MTA3: variants seen among roughly 807,000 people sequenced by gnomAD.
MTA3 encodes metastasis-associated protein MTA3.
Under a neutral mutation model 83.5 loss-of-function variants are expected in MTA3, and 34 were observed. The ratio of observed to expected loss-of-function variants is 0.41; its 90% confidence interval spans 0.31 to 0.54. MTA3 has a LOEUF of 0.54. Ranked by LOEUF, MTA3 falls within the 20% of genes least tolerant of loss-of-function variation. MTA3 has a pLI of 0.33. For synonymous variants in MTA3, 303 were observed against 252.7 expected, an observed-to-expected ratio of 1.20 and a Z score of -1.89; for missense variants, 761 against 726.4, an observed-to-expected ratio of 1.05 and a Z score of -0.55.
At chr2:42,565,008 C>T (rs1041123982), upstream of MTA3, among the ~76,000 whole-genome samples, 1 of 152,124 alleles carries the variant, frequency 6.6e-6, no homozygotes, top group African/African-American at 2.4e-5. Context: ...GAACTCCTGA[C>T]CTCATGATCC....
At chr2:42,601,115 C>T (rs1445193984) in intron 3 of MTA3, among the ~76,000 whole-genome samples, 2 of 152,190 alleles carry the variant, frequency 1.3e-5, no homozygotes, top group Non-Finnish European at 2.9e-5. Context: ...CCATGTTGTC[C>T]AGGATGGTCT....
Position 42,520,656 on chromosome 2 carries a change from G to A in MTA3, c.-141+25402G>A, listed in dbSNP as rs536636388. On this transcript the variant is annotated intron_variant, in intron 2 of 17. Coordinates refer to the MTA3 transcript ENST00000405592. The stretch of plus-strand genomic sequence containing the variant: ...AGTCCAGTGGCCTGATCATGAACCT[G>A]CTGGGTTCAGGTGATCCTCCCACCT... Among the ~76,000 whole-genome samples, 3 of 151,624 alleles carry A rather than the reference G, an allele frequency of 2.0e-5. No homozygotes were observed. In the South Asian group the frequency reaches 6.3e-4, roughly 32 times the overall value.
intron 9 of MTA3, among the ~76,000 whole-genome samples, chr2:42,690,856 T>TTTTATTTATTTATTTA (rs35037034): frequency 1.5e-3 from 198 of 136,162 alleles, no homozygotes; most frequent in African/African-American, 3.5e-3. Context: ...TGTATTTTTA[T>TTTTATTTATTTATTTA]TTTATTTATT....
At chr2:42,659,716 C>CA in intron 7 of MTA3, 47 bp from the exon 8 acceptor site, 1 of 1,374,886 alleles carries the variant, frequency 7.3e-7, no homozygotes, top group South Asian at 1.7e-5. Context: ...AAAAACAAAC[C>CA]AAAACAGATA....
At chr2:42,665,307 G>A (rs1004492804) in intron 8 of MTA3, among the ~76,000 whole-genome samples, 9 of 152,094 alleles carry the variant, frequency 5.9e-5, no homozygotes, top group Non-Finnish European at 1.0e-4. Context: ...CAGGAGAATC[G>A]CTTGAATCAG....
intron 2 of MTA3, among the ~76,000 whole-genome samples, chr2:42,540,585 A>G (rs1458331966): frequency 6.6e-6 from 1 of 152,072 alleles, no homozygotes; most frequent in Non-Finnish European, 1.5e-5. Flanking sequence ...CTCTAATCCC[A>G]GGCCTTTGGA....
chr2:42,708,104 G>C lies in MTA3; in HGVS notation c.1302+50G>C, dbSNP rs764632093. 3 of 1,545,446 alleles carry C rather than the reference G, an allele frequency of 1.9e-6. No individual in the cohort carries two copies. The African/African-American group carries it at 4.1e-5, about 21-fold the overall frequency. On this transcript the variant is annotated intron_variant, in intron 13 of 16. Transcript: ENST00000405094. ...AAAATGGCATGTTTTTAAATGGGTT[G>C]ATTATTCCTTGGAAACAGAAGTACA...
rs931139766 is a variant in MTA3 at position 42,659,882 on chromosome 2, T to A, written c.702+20T>A. 1 of 1,562,442 alleles carries A rather than the reference T, an allele frequency of 6.4e-7. No individual in the cohort carries two copies. The highest frequency in any genetic ancestry group is 8.7e-7 in the Non-Finnish European group (1 of 1,148,074). On this transcript the variant is annotated intron_variant, in intron 8 of 16. Transcript: ENST00000405094. Reference sequence around the variant, plus strand: ...ACCTTGGTAAGACATGGTTTGAAATTTTGTGGGTATTTATCCTTCTGTTAC... The same window carrying A: ...ACCTTGGTAAGACATGGTTTGAAATATTGTGGGTATTTATCCTTCTGTTAC...
chr2:42,621,706 T>A (rs1212275249), intron 4 of MTA3, among the ~76,000 whole-genome samples: 109 of 146,610 alleles, frequency 7.4e-4, no homozygotes, highest in African/African-American at 2.7e-3. Flanking sequence ...GACGGGCGGC[T>A]GCCAGGTGGA....
At chr2:42,751,289 C>T (rs747029036) in intron 16 of MTA3, among the ~76,000 whole-genome samples, 5 of 151,994 alleles carry the variant, frequency 3.3e-5, no homozygotes, top group East Asian at 1.9e-4. Flanking sequence ...TCAGTCAGGG[C>T]GAGTACGTAC....
intron 2 of MTA3, among the ~76,000 whole-genome samples, chr2:42,513,882 C>T (rs532966149): frequency 6.6e-6 from 1 of 152,194 alleles, no homozygotes; most frequent in Non-Finnish European, 1.5e-5. Flanking sequence ...GGCCTCCCTC[C>T]ACTACCTCAA....
rs145155240 is a variant in MTA3, at chr2:42,522,698, G to A, written c.-141+27444G>A. Among the ~76,000 whole-genome samples, 44 of 151,904 alleles carry A rather than the reference G, an allele frequency of 2.9e-4. 1 individual carries two copies. In the East Asian group the frequency reaches 7.4e-3, roughly 25 times the overall value. The stretch of plus-strand genomic sequence containing the variant: ...TGTAGTCCCAGCTATTCCAGAGGCT[G>A]AGACAGGAGGATCCAGCTTGGGAGA... On this transcript the variant is annotated intron_variant, in intron 2 of 17. Transcript: ENST00000405592.
At position 42,522,231 on chromosome 2, in the gene MTA3, C is replaced by G. The variant is rs1675463124; in HGVS notation, c.-141+26977C>G. On this transcript the variant is annotated intron_variant, in intron 2 of 17. Coordinates refer to the MTA3 transcript ENST00000405592. ...AGTTACAACCACCCTCCGTCCCTGA[C>G]TTTGATATGCAAAGAGGATCCTCAG... Among the ~76,000 whole-genome samples, 6 of 152,166 alleles carry G rather than the reference C, an allele frequency of 3.9e-5. No individual in the cohort carries two copies. In the South Asian group the frequency reaches 1.2e-3, roughly 32 times the overall value.
At chr2:42,686,003 G>T (rs1573615939) in intron 9 of MTA3, among the ~76,000 whole-genome samples, 1 of 152,198 alleles carries the variant, frequency 6.6e-6, no homozygotes, top group East Asian at 1.9e-4. Context: ...TTTAGAAACT[G>T]TCAGGTAGTG....
intron 2 of MTA3, among the ~76,000 whole-genome samples, chr2:42,527,801 T>G (rs12712850): frequency 0.36 from 54,626 of 150,934 alleles, 10,022 homozygotes; most frequent in African/African-American, 0.41. Flanking sequence ...GCCAGCCTGG[T>G]CAATATAATA....
intron 2 of MTA3, among the ~76,000 whole-genome samples, chr2:42,555,314 G>T (rs1326190627): frequency 6.6e-6 from 1 of 151,126 alleles, no homozygotes; most frequent in Non-Finnish European, 1.5e-5. Flanking sequence ...AATTAGCCGG[G>T]CATGGTGGTG....
At chr2:42,507,977 A>T (rs1260578159) in intron 2 of MTA3, among the ~76,000 whole-genome samples, 3 of 151,574 alleles carry the variant, frequency 2.0e-5, no homozygotes, top group East Asian at 3.9e-4. Context: ...AAACCTAGTT[A>T]AAAAAAATCT....
intron 6 of MTA3, among the ~76,000 whole-genome samples, chr2:42,649,884 G>A (rs1049088049): frequency 6.6e-6 from 1 of 152,158 alleles, no homozygotes; most frequent in Non-Finnish European, 1.5e-5. Context: ...ATGAGTCCAG[G>A]GTTTAAGGAG....
intron 16 of MTA3, among the ~76,000 whole-genome samples, chr2:42,729,367 C>T (rs1170403268): frequency 6.6e-6 from 1 of 152,034 alleles, no homozygotes; most frequent in Non-Finnish European, 1.5e-5. Context: ...TCCCAAAGTG[C>T]TGGGATTACA....
Sources: allele counts gnomAD v4.1 joint callset (sites outside exome capture counted in the v4.1 genomes callset), GRCh38; gene constraint gnomAD v4.1.1; transcripts MANE v1.5; gene names NCBI Gene and HGNC (gene_info 2026-07-23, HGNC 2026-07-21).